MKI67: variants seen among roughly 807,000 people sequenced by gnomAD.
MKI67 encodes proliferation marker protein Ki-67.
In MKI67, 152 loss-of-function variants were observed where a neutral mutation model predicts 233.5. The ratio of observed to expected loss-of-function variants is 0.65; its 90% CI spans 0.57 to 0.74. The LOEUF (loss-of-function observed/expected upper bound fraction) is 0.74, where lower values mean the gene tolerates loss of function less well. MKI67 is among the 30% of genes least tolerant of loss of function. The pLI, the probability that MKI67 is intolerant of heterozygous loss-of-function variation, is 0.00. For missense variants in MKI67, 3,940 were observed against 3,885.2 expected (o/e 1.01, Z -0.37); for synonymous variants, 1,465 against 1,418.5 (o/e 1.03, Z -0.74).
rs1852239436 is a variant in MKI67, at chr10:128,097,643, A to G, written c.*1547T>C. The G allele has an allele frequency of 6.6e-6, 1 of 152,164 alleles. No homozygotes were observed. The highest frequency in any genetic ancestry group is 2.4e-5 in the African/African-American group (1 of 41,410). The allele number at this position is 152,164 out of a possible 1,614,324, so 9.4% of individuals were successfully genotyped here. A position where few individuals can be genotyped will look rare whatever the true frequency, so the allele number is the denominator to read the frequency against. On this transcript the variant is annotated 3_prime_UTR_variant, in exon 15 of 15. Coordinates refer to ENST00000368654, the MANE Select transcript of MKI67 (RefSeq NM_002417.5). The stretch of plus-strand genomic sequence containing the variant: ...AAAGTTTTGAGGTTGGCCTACGTAG[A>G]AGGAAGCATTTATGCCTCACACCTT...
rs753743960 is a variant in MKI67, at chr10:128,112,587, A to G, written c.1657-142T>C. 247 of 815,094 alleles carry G rather than the reference A, an allele frequency of 3.0e-4. 2 individuals carry two copies. The highest frequency in any genetic ancestry group is 1.1e-4 in the Non-Finnish European group (56 of 516,054). 50.5% of individuals were successfully genotyped at this position (815,094 alleles called of 1,614,324 possible). ...GCTTAAGCCACTGTCTTTGAAGACT[A>G]TGGTAGAGGTGAGACTGTCTCAGTC... On this transcript the variant is annotated intron_variant, in intron 8 of 14. Coordinates refer to ENST00000368654, the MANE Select transcript of MKI67 (RefSeq NM_002417.5).
chr10:128,112,361 G>A lies in MKI67; in HGVS notation c.1741C>T (p.Pro581Ser). 6.2e-7 allele frequency: 1 copy of A among 1,614,180 alleles called. No individual in the cohort carries two copies. Reference sequence around the variant, plus strand: ...GGAGTTTTCCTAGGACTAGGAGCTGGAGGGCTTATAACCAAGCTTTGTGCC... The same window carrying A: ...GGAGTTTTCCTAGGACTAGGAGCTGAAGGGCTTATAACCAAGCTTTGTGCC... ...VKAQSLVISP[P>S]APSPRKTPVA... Residue 581 changes from proline (P) to serine (S), a missense_variant, in exon 9 of 15, where the codon CCA becomes TCA. Pro to Ser is a moderately conservative substitution (Grantham distance 74). Coordinates refer to ENST00000368654, the MANE Select transcript of MKI67 (RefSeq NM_002417.5).
In MKI67 at chr10:128,098,097, TTC is replaced by T. The variant is rs1852250480; in HGVS notation, c.*1091_*1092del. 1.3e-5 allele frequency: 2 copies of T among 152,244 alleles called. No individual in the cohort carries two copies. The highest frequency in any genetic ancestry group is 4.8e-5 in the African/African-American group (2 of 41,444). The allele number at this position is 152,244 out of a possible 1,614,324, so 9.4% of individuals were successfully genotyped here. A position where few individuals can be genotyped will look rare whatever the true frequency, so the allele number is the denominator to read the frequency against. ...AGGTGACCTGGGGGATGGCGGGCTA[TTC>T]TCTGATTTGGGGAACACAGAGAGGA... On this transcript the variant is annotated 3_prime_UTR_variant, in exon 15 of 15. Coordinates refer to ENST00000368654, the MANE Select transcript of MKI67 (RefSeq NM_002417.5).
In MKI67 at chr10:128,105,622, A is replaced by G; in HGVS notation, c.6218T>C (p.Leu2073Pro). ...PRTPKEEAQS[L>P]EDLAGFKELF... ...CTCTTTGAAGCCGGCCAGGTCTTCT[A>G]GTGATTGGGCCTCTTCCTTAGGTGT... The change falls in exon 13 of 15, where the codon CTA (leucine) becomes CCA (proline). Residue 2073 changes from leucine (L) to proline (P), a missense_variant. By Grantham distance (98) the Leu-to-Pro change is moderately conservative. Transcript: ENST00000368654. 1.9e-6 allele frequency: 3 copies of G among 1,613,598 alleles called. No individual in the cohort carries two copies. The highest frequency in any genetic ancestry group is 2.5e-6 in the Non-Finnish European group (3 of 1,179,904).
intron 7 of MKI67, among the ~76,000 whole-genome samples, chr10:128,114,420 T>C (rs1252874701): frequency 1.3e-5 from 2 of 152,218 alleles, no homozygotes; most frequent in Non-Finnish European, 2.9e-5. Flanking sequence ...CAAGTGTTCA[T>C]GTGGCATATG....
At position 128,104,840 on chromosome 10, in the gene MKI67, C is replaced by T. The variant is rs143179328; in HGVS notation, c.7000G>A (p.Asp2334Asn). The change falls in exon 13 of 15, where the codon GAT becomes AAT. Residue 2334 changes from aspartate to asparagine, a missense_variant. Coordinates refer to ENST00000368654, the MANE Select transcript of MKI67 (RefSeq NM_002417.5). The part of the protein sequence containing the change: ...QTPGTDKPTT[D>N]EKTTKIACKS... ...CAGGCTATTTTGGTAGTTTTCTCAT[C>T]AGTCGTGGGCTTGTCAGTGCCTGGT... The T allele has an allele frequency of 3.1e-6, 5 of 1,602,916 alleles. No individual in the cohort carries two copies. In the South Asian group the frequency reaches 5.5e-5, roughly 18 times the overall value.
Position 128,105,446 on chromosome 10 carries a change from C to T in MKI67, c.6394G>A (p.Glu2132Lys), listed in dbSNP as rs199991769. 3.7e-6 allele frequency: 6 copies of T among 1,614,064 alleles called. No homozygotes were observed. In the East Asian group the frequency reaches 1.3e-4, roughly 36 times the overall value. Residue 2132 changes from glutamate to lysine, a missense_variant, in exon 13 of 15, where the codon GAA becomes AAA. By Grantham distance (56) the Glu-to-Lys change is moderately conservative (BLOSUM62 1). Transcript: ENST00000368654. ...AGCTGCTTCAGGGCTGAGAGCTCTT[C>T]CACTATATCCCTTTTCCCCAAAGGT... ...KTPLGKRDIV[E>K]ELSALKQLTQ...
rs116577224 is a variant in MKI67 at position 128,100,042 on chromosome 10, G to A, written c.9706-787C>T. Among the ~76,000 whole-genome samples the A allele has an allele frequency of 7.2e-4, 110 of 152,246 alleles. 2 individuals carry two copies. The highest frequency in any genetic ancestry group is 2.6e-3 in the African/African-American group (108 of 41,572). On this transcript the variant is annotated intron_variant, in intron 14 of 14. Coordinates refer to ENST00000368654, the MANE Select transcript of MKI67 (RefSeq NM_002417.5). ...ACTGTGAATTCGGTAAGCGCCTGGA[G>A]CCTGCGTTTTATTGTAAGACTCGAC...
Position 128,110,389 on chromosome 10 carries a change from G to A in MKI67, c.2405C>T (p.Ser802Leu), listed in dbSNP as rs148168297. The A allele has an allele frequency of 5.9e-5, 93 of 1,566,520 alleles. No homozygotes were observed. The highest frequency in any genetic ancestry group is 7.6e-5 in the Non-Finnish European group (87 of 1,144,560). ...ACAAGGAAACCAACCAAAACTCTCT[G>A]AGGTGGGGAGCAGAGGTTCTTCTCC... Reference protein sequence around the residue: ...DSGEEPLLPTSESFGGNVFFS... With the variant: ...DSGEEPLLPTLESFGGNVFFS... Residue 802 changes from serine (S) to leucine (L), a missense_variant, in exon 12 of 15, where the codon TCA becomes TTA. Transcript: ENST00000368654.
In MKI67 at chr10:128,102,922, T is replaced by C; in HGVS notation, c.8918A>G (p.Asp2973Gly). 7 of 1,614,200 alleles carry C rather than the reference T, an allele frequency of 4.3e-6. No individual in the cohort carries two copies. Among genetic ancestry groups the C allele is most frequent in the Non-Finnish European group, 5.9e-6 (7 of 1,180,034 alleles). Residue 2973 changes from aspartate to glycine, a missense_variant, in exon 13 of 15, where the codon GAC becomes GGC. Coordinates refer to ENST00000368654, the MANE Select transcript of MKI67 (RefSeq NM_002417.5). ...LRAPKVEPVG[D>G]VVSTRDPVKS... is the part of the protein sequence containing the mutation. ...TACAGGGTCTCTGGTGCTTACCACG[T>C]CTCCCACGGGTTCTACTTTAGGGGC...
Position 128,115,258 on chromosome 10 carries a change from T to G in MKI67, c.1150A>C (p.Lys384Gln). 6.2e-7 allele frequency: 1 copy of G among 1,614,230 alleles called. No individual in the cohort carries two copies. Among genetic ancestry groups the G allele is most frequent in the Non-Finnish European group, 8.5e-7 (1 of 1,180,038 alleles). ...GGAGTAAGAGTTTTATCACCAGCCT[T>G]GAAGCCTTCACTTTTACCCAGATTC... ...SVNLGKSEGF[K>Q]AGDKTLTPRK... The change falls in exon 7 of 15, where the codon AAG (lysine) becomes CAG (glutamine). Residue 384 changes from lysine (K) to glutamine (Q), a missense_variant. Lys to Gln is a moderately conservative substitution (Grantham distance 53). Transcript: ENST00000368654.
rs770432083 is a variant in MKI67, at chr10:128,104,654, C to A, written c.7186G>T (p.Asp2396Tyr). 1 of 1,613,606 alleles carries A rather than the reference C, an allele frequency of 6.2e-7. No homozygotes were observed. Among genetic ancestry groups the A allele is most frequent in the Admixed American group, 1.7e-5 (1 of 59,930 alleles). Residue 2396 changes from aspartate (D) to tyrosine (Y), a missense_variant, in exon 13 of 15, where the codon GAT becomes TAT. Asp to Tyr is a radical substitution (Grantham distance 160). Transcript: ENST00000368654. ...ACAAATGTGTTGATATTTTTCTCAT[C>A]ACTTACTGCTGGTTTTGGTGTGTCC... Reference protein sequence around the residue: ...AMDTPKPAVSDEKNINTFVET... With the variant: ...AMDTPKPAVSYEKNINTFVET...
In MKI67 at chr10:128,108,322, G is replaced by T; in HGVS notation, c.3518C>A (p.Ala1173Asp). ...TCCTGCTGGTTTGGGCGTAAGCATG[G>T]CTTTCCCTGCTGATGGTGTTAGTTT... is the stretch of plus-strand genomic sequence containing the variant. The part of the protein sequence containing the change: ...LRKLTPSAGK[A>D]MLTPKPAGGD... The change falls in exon 13 of 15, where the codon GCC becomes GAC. Residue 1173 changes from alanine (A) to aspartate (D), a missense_variant. By Grantham distance (126) the Ala-to-Asp change is moderately radical (BLOSUM62 -2). Transcript: ENST00000368654. The T allele has an allele frequency of 6.2e-7, 1 of 1,614,112 alleles. No homozygotes were observed. The highest frequency in any genetic ancestry group is 8.5e-7 in the Non-Finnish European group (1 of 1,180,022).
In MKI67 at chr10:128,111,927, C is replaced by A. The variant is rs1181566631; in HGVS notation, c.2088G>T (p.Lys696Asn). Residue 696 changes from lysine (K) to asparagine (N), a missense_variant and splice_region_variant, in exon 10 of 15, where the codon AAG (lysine) becomes AAT (asparagine). Coordinates refer to ENST00000368654, the MANE Select transcript of MKI67 (RefSeq NM_002417.5). ...AGCAGCCATTCAGTGAGGCCCCTACCTTTGGAGTAGCAGGTCTTCTTTGCC... is the reference window on the plus strand; with the variant it reads ...AGCAGCCATTCAGTGAGGCCCCTACATTTGGAGTAGCAGGTCTTCTTTGCC... ...NKRQRRPATP[K>N]KPVGEVHSQF... 4 of 1,610,072 alleles carry A rather than the reference C, an allele frequency of 2.5e-6. No homozygotes were observed. The highest frequency in any genetic ancestry group is 3.4e-6 in the Non-Finnish European group (4 of 1,178,556).
rs539423306 is a variant in MKI67 at position 128,110,020 on chromosome 10, T to G, written c.2416+358A>C. On this transcript the variant is annotated intron_variant, in intron 12 of 14. Coordinates refer to ENST00000368654, the MANE Select transcript of MKI67 (RefSeq NM_002417.5). ...ATTGCACAGTATACAAACTGTTATC[T>G]TTCTGTTTTGTAATTGGCAGTAATT... Among the ~76,000 whole-genome samples the G allele has an allele frequency of 1.1e-4, 17 of 152,340 alleles. No individual in the cohort carries two copies. In the East Asian group the frequency reaches 3.3e-3, roughly 29 times the overall value.
At chr10:128,118,426 G>C (rs969386581) in intron 5 of MKI67, among the ~76,000 whole-genome samples, 2 of 146,770 alleles carry the variant, frequency 1.4e-5, no homozygotes, top group African/African-American at 5.0e-5. Flanking sequence ...AGGCAGAAAT[G>C]TTGAAATTCA....
At position 128,100,050 on chromosome 10, in the gene MKI67, T is replaced by TAAA. The variant is rs1275734698; in HGVS notation, c.9706-796_9706-795insTTT. 2.2e-3 allele frequency among the ~76,000 whole-genome samples: 328 copies of TAAA among 152,334 alleles called. 6 individuals carry two copies. Among genetic ancestry groups the TAAA allele is most frequent in the South Asian group, 0.021 (100 of 4,828 alleles). ...TTCGGTAAGCGCCTGGAGCCTGCGT[T>TAAA]TTATTGTAAGACTCGACGGGTGAAC... is the stretch of plus-strand genomic sequence containing the variant. On this transcript the variant is annotated intron_variant, in intron 14 of 14. Transcript: ENST00000368654.
At chr10:128,113,733 A>G (rs765281661) in intron 7 of MKI67, 131 bp from the exon 8 acceptor site, 22 of 765,472 alleles carry the variant, frequency 2.9e-5, no homozygotes, top group Middle Eastern at 7.4e-4. Context: ...GCACGCCTCT[A>G]TTCTTGCAAT....
rs760138459 is a variant in MKI67, at chr10:128,107,807, C to G, written c.4033G>C (p.Asp1345His). ...TPKEEAQALE[D>H]LTGFKELFQT... is the part of the protein sequence containing the mutation. ...AAGAGCTCTTTAAAGCCAGTCAGGT[C>G]TTCCAGAGCCTGGGCCTCTTCCTTA... Residue 1345 changes from aspartate (D) to histidine (H), a missense_variant, in exon 13 of 15, where the codon GAC becomes CAC. Physicochemically the swap from Asp to His is moderately conservative, Grantham distance 81. Transcript: ENST00000368654. 6.2e-7 allele frequency: 1 copy of G among 1,613,876 alleles called. No homozygotes were observed. The highest frequency in any genetic ancestry group is 1.1e-5 in the South Asian group (1 of 91,066).
Sources: allele counts gnomAD v4.1 joint callset (sites outside exome capture counted in the v4.1 genomes callset), GRCh38; gene constraint gnomAD v4.1.1; transcripts MANE v1.5; gene names NCBI Gene and HGNC (gene_info 2026-07-23, HGNC 2026-07-21).